ZFHX3: variants seen among roughly 807,000 people sequenced by gnomAD.
ZFHX3 encodes zinc finger homeobox 3.
ZFHX3 carries 42 observed loss-of-function variants against 279.1 expected under a neutral mutation model. That is an observed-to-expected ratio of 0.15 (90% confidence interval 0.12 to 0.19). The LOEUF is 0.19. Among genes scored for constraint, ZFHX3 ranks in the 10% least tolerant of loss-of-function variants. The pLI, the probability that ZFHX3 is intolerant of heterozygous loss-of-function variation, is 1.00. For missense variants in ZFHX3, 4,981 were observed against 4,754.0 expected, an observed-to-expected ratio of 1.05 and a Z score of -1.40; for synonymous variants, 2,293 against 1,957.8, an observed-to-expected ratio of 1.17 and a Z score of -4.52.
At chr16:73,269,968 G>A (rs991153565) in intron 4 of ZFHX3, among the ~76,000 whole-genome samples, 2 of 151,996 alleles carry the variant, frequency 1.3e-5, no homozygotes, top group African/African-American at 4.8e-5. Context: ...GGGTGGTCTC[G>A]AACTCCTGAG....
At chr16:73,364,388 GTAA>G (rs1448383573) in intron 3 of ZFHX3, among the ~76,000 whole-genome samples, 3 of 149,942 alleles carry the variant, frequency 2.0e-5, no homozygotes, top group East Asian at 1.9e-4. Context: ...AATAATAATA[GTAA>G]TAATAGTTTC....
intron 3 of ZFHX3, among the ~76,000 whole-genome samples, chr16:73,362,624 G>C (rs2016451931): frequency 6.6e-6 from 1 of 152,218 alleles, no homozygotes; most frequent in Non-Finnish European, 1.5e-5. Context: ...TCAATACCTA[G>C]AATGTGAGCA....
intron 2 of ZFHX3, among the ~76,000 whole-genome samples, chr16:73,572,061 C>T (rs1464479433): frequency 3.3e-5 from 5 of 151,692 alleles, no homozygotes; most frequent in Admixed American, 2.0e-4. Flanking sequence ...ACACAAGCCT[C>T]TCTTAACAGC....
At chr16:73,773,218 G>C (rs530251971) in intron 1 of ZFHX3, among the ~76,000 whole-genome samples, 1 of 152,196 alleles carries the variant, frequency 6.6e-6, no homozygotes, top group African/African-American at 2.4e-5. Flanking sequence ...CGTGTTGCAC[G>C]GCACAGATAT....
At chr16:73,222,709 A>G (rs905559944) in intron 5 of ZFHX3, among the ~76,000 whole-genome samples, 1 of 152,150 alleles carries the variant, frequency 6.6e-6, no homozygotes, top group Non-Finnish European at 1.5e-5. Flanking sequence ...GTGTTTATTG[A>G]CAAACTGATT....
At chr16:73,052,156 GA>G (rs1352683780), upstream of ZFHX3, among the ~76,000 whole-genome samples, 1 of 151,772 alleles carries the variant, frequency 6.6e-6, no homozygotes, top group East Asian at 1.9e-4. Flanking sequence ...AAGGAAAAGG[GA>G]AACAGAAGAG....
At chr16:73,178,152 T>C (rs974409966) in intron 5 of ZFHX3, among the ~76,000 whole-genome samples, 2 of 152,000 alleles carry the variant, frequency 1.3e-5, no homozygotes, top group African/African-American at 4.8e-5. Flanking sequence ...TGTGGATGAC[T>C]TTTTCTTTTT....
chr16:73,584,524 G>A (rs2051902808), intron 2 of ZFHX3, among the ~76,000 whole-genome samples: 1 of 152,106 alleles, frequency 6.6e-6, no homozygotes, highest in Non-Finnish European at 1.5e-5. Flanking sequence ...CAGATAGTGG[G>A]GAAAAAATAT....
At chr16:73,580,537 T>C (rs182941489) in intron 2 of ZFHX3, among the ~76,000 whole-genome samples, 2 of 151,280 alleles carry the variant, frequency 1.3e-5, no homozygotes, top group East Asian at 3.9e-4. Context: ...AAATTTCCTT[T>C]GCTAACTGGG....
chr16:72,967,132 A>C (rs1385184664), intron 1 of ZFHX3, among the ~76,000 whole-genome samples: 1 of 152,224 alleles, frequency 6.6e-6, no homozygotes, highest in Non-Finnish European at 1.5e-5. Flanking sequence ...TGGGGGAAAT[A>C]GGAAAAAAGA....
At chr16:73,093,313 T>A in exon 8 of ZFHX3, 1 of 428,084 alleles carries the variant, frequency 2.3e-6, no homozygotes, top group Admixed American at 2.7e-5. Flanking sequence ...AGGGGAAAGA[T>A]GCATATTGAA....
chr16:72,832,059 C>T (rs901081258), intron 4 of ZFHX3, among the ~76,000 whole-genome samples: 3 of 152,178 alleles, frequency 2.0e-5, no homozygotes, highest in African/African-American at 7.2e-5. Context: ...TGAAGACAGT[C>T]TGATACCTAC....
At chr16:73,440,152 C>A (rs1479735342) in intron 3 of ZFHX3, among the ~76,000 whole-genome samples, 1 of 152,194 alleles carries the variant, frequency 6.6e-6, no homozygotes, top group Non-Finnish European at 1.5e-5. Flanking sequence ...AGCACCCCAT[C>A]TGACCATCCA....
chr16:73,586,488 G>C (rs575084729), intron 2 of ZFHX3, among the ~76,000 whole-genome samples: 1 of 149,288 alleles, frequency 6.7e-6, no homozygotes, highest in Admixed American at 6.6e-5. Context: ...ACTCTGGGAG[G>C]AAAAAACAAC....
chr16:73,026,806 G>A (rs1283141852), intron 1 of ZFHX3, among the ~76,000 whole-genome samples: 1 of 151,804 alleles, frequency 6.6e-6, no homozygotes, highest in African/African-American at 2.4e-5. Flanking sequence ...CCCTGGAATC[G>A]CTGGGGGAGA....
In ZFHX3 at chr16:72,784,694, T is replaced by G. The variant is rs911055071; in HGVS notation, c.*2470A>C. On this transcript the variant is annotated 3_prime_UTR_variant, in exon 10 of 10. Transcript: ENST00000268489. ...AAAAGGAAATAGCTTGTTAAAACAG[T>G]AAATGTTTTGCGTACTTGCTTTTGA... 2 of 152,518 alleles carry G rather than the reference T, an allele frequency of 1.3e-5. No individual in the cohort carries two copies. Among genetic ancestry groups the G allele is most frequent in the African/African-American group, 4.8e-5 (2 of 41,438 alleles). The allele number at this position is 152,518 out of a possible 1,614,324, so 9.4% of individuals were successfully genotyped here.
At chr16:73,327,251 T>C (rs901060477) in intron 3 of ZFHX3, among the ~76,000 whole-genome samples, 40 of 152,216 alleles carry the variant, frequency 2.6e-4, no homozygotes, top group African/African-American at 9.6e-4. Context: ...ATCTATGGCA[T>C]GTGAGCTGAT....
chr16:72,991,205 TTTAA>T (rs900035357), intron 1 of ZFHX3, among the ~76,000 whole-genome samples: 4 of 152,160 alleles, frequency 2.6e-5, no homozygotes, highest in African/African-American at 9.7e-5. Context: ...AGGATATTGT[TTTAA>T]TTGTTCTATT....
intron 1 of ZFHX3, among the ~76,000 whole-genome samples, chr16:72,990,647 C>T (rs572906108): frequency 6.6e-6 from 1 of 152,154 alleles, no homozygotes; most frequent in Non-Finnish European, 1.5e-5. Context: ...ATGTACCCAA[C>T]AGGCAGATAT....
Sources: allele counts gnomAD v4.1 joint callset (sites outside exome capture counted in the v4.1 genomes callset), GRCh38; gene constraint gnomAD v4.1.1; transcripts MANE v1.5; gene names NCBI Gene and HGNC (gene_info 2026-07-23, HGNC 2026-07-21).